The following PODNL1 variants were observed in gnomAD, a reference collection of about 807,000 sequenced individuals.
PODNL1 encodes podocan-like protein 1.
In PODNL1, 50 loss-of-function variants were observed where a neutral mutation model predicts 45.1. The observed-to-expected ratio is 1.11, with a 90% CI of 0.88 to 1.40. The LOEUF is 1.40. Ranked by LOEUF, PODNL1 falls within the 40% of genes most tolerant of loss-of-function variation. The probability of loss-of-function intolerance (pLI) is 0.00; values close to 1 mark genes in which losing one functional copy is unlikely to be tolerated. For synonymous variants in PODNL1, 406 were observed against 372.5 expected (o/e 1.09, Z -1.04); for missense variants, 788 against 793.3 (o/e 0.99, Z 0.08).
At position 13,931,572 on chromosome 19, in the gene PODNL1, A is replaced by T. The variant is rs1001866066; in HGVS notation, c.*165T>A. On this transcript the variant is annotated 3_prime_UTR_variant, in exon 10 of 10. Coordinates refer to ENST00000588872, the MANE Select transcript of PODNL1 (RefSeq NM_001370095.3). ...CCGGCGTGGTCTGTGAGCCTGGAGTATGCCAGCTGTGTGCCTCTGTGTCTC... is the reference window on the plus strand; with the variant it reads ...CCGGCGTGGTCTGTGAGCCTGGAGTTTGCCAGCTGTGTGCCTCTGTGTCTC... 18 of 719,536 alleles carry T rather than the reference A, an allele frequency of 2.5e-5. No individual in the cohort carries two copies. The East Asian group carries it at 6.1e-4, about 24-fold the overall frequency. The allele number at this position is 719,536 out of a possible 1,614,324, so 44.6% of individuals were successfully genotyped here.
upstream of PODNL1, among the ~76,000 whole-genome samples, chr19:13,942,702 T>G (rs538204750): frequency 7.2e-5 from 11 of 152,202 alleles, no homozygotes; most frequent in Middle Eastern, 6.8e-3. Context: ...TAGGATTGGC[T>G]GTGCGCCCCT....
chr19:13,938,729 C>T (rs1972543933), upstream of PODNL1, among the ~76,000 whole-genome samples: 1 of 152,082 alleles, frequency 6.6e-6, no homozygotes, highest in Non-Finnish European at 1.5e-5. Context: ...CCTCTGCTGG[C>T]TGGTCTTGCT....
At chr19:13,952,185 C>T (rs921239426) in intron 1 of PODNL1, among the ~76,000 whole-genome samples, 2 of 152,234 alleles carry the variant, frequency 1.3e-5, no homozygotes, top group African/African-American at 4.8e-5. Context: ...CTGTGGTCTC[C>T]ATGGAAACCC....
intron 5 of PODNL1, 150 bp from the exon 6 acceptor site, chr19:13,934,560 A>C (rs1972200731): frequency 2.6e-6 from 2 of 775,774 alleles, no homozygotes; most frequent in Non-Finnish European, 3.8e-6. Context: ...GTGGGAATGT[A>C]ATTGTGTATG....
chr19:13,937,735 A>T, intron 2 of PODNL1, 50 bp downstream of exon 2: 1 of 1,515,180 alleles, frequency 6.6e-7, no homozygotes, highest in Non-Finnish European at 8.9e-7. Flanking sequence ...AGCTCCCCTC[A>T]CCACTGGGTC....
chr19:13,933,788 G>C lies in PODNL1; in HGVS notation c.767+90C>G. ...GCAGGCACTCAGTAAATGAGGCCGT[G>C]GCTTAGGAGCCAGTCAGGGAAGGGG... On this transcript the variant is annotated intron_variant, in intron 7 of 9. Coordinates refer to ENST00000588872, the MANE Select transcript of PODNL1 (RefSeq NM_001370095.3). This position sits in a 1 kb window ranked among gnomAD's most constrained non-coding sequence, Gnocchi z 5.2. 1 of 1,160,328 alleles carries C rather than the reference G, an allele frequency of 8.6e-7. No individual in the cohort carries two copies. Among genetic ancestry groups the C allele is most frequent in the Non-Finnish European group, 1.2e-6 (1 of 800,428 alleles). 71.9% of individuals were successfully genotyped at this position (1,160,328 alleles called of 1,614,324 possible).
At chr19:13,935,412 C>T (rs939351617) in intron 5 of PODNL1, among the ~76,000 whole-genome samples, 23 of 152,148 alleles carry the variant, frequency 1.5e-4, no homozygotes, top group Admixed American at 6.5e-5. Flanking sequence ...CTGCAAACTC[C>T]ACCTCCTGGG....
chr19:13,950,049 T>C (rs1215915846), intron 1 of PODNL1, among the ~76,000 whole-genome samples: 1 of 151,356 alleles, frequency 6.6e-6, no homozygotes, highest in African/African-American at 2.4e-5. Context: ...TCTGTATTTT[T>C]AGTAGAGACG....
At chr19:13,948,671 C>T (rs956921191) in intron 1 of PODNL1, among the ~76,000 whole-genome samples, 1 of 149,526 alleles carries the variant, frequency 6.7e-6, no homozygotes, top group South Asian at 2.2e-4. Context: ...TGGCTCACGC[C>T]TGTAATCCCA....
chr19:13,937,671 C>T, intron 2 of PODNL1, 114 bp downstream of exon 2: 1 of 991,602 alleles, frequency 1.0e-6, no homozygotes, highest in South Asian at 1.6e-5. Context: ...CACCGCCCTC[C>T]TGCAAGTGTG....
Position 13,934,182 on chromosome 19 carries a change from A to AG in PODNL1, c.651+71dup, listed in dbSNP as rs1972159508. ...GGGCAATTGAGAAGAATGGAAAGCT[A>AG]GGAACTGGAGGGGTCCCCCTGGAAA... is the stretch of plus-strand genomic sequence containing the variant. On this transcript the variant is annotated intron_variant, in intron 6 of 9. Coordinates refer to ENST00000588872, the MANE Select transcript of PODNL1 (RefSeq NM_001370095.3). 13 of 1,444,828 alleles carry AG rather than the reference A, an allele frequency of 9.0e-6. No individual in the cohort carries two copies. The South Asian group carries it at 1.7e-4, about 19-fold the overall frequency. 89.5% of individuals were successfully genotyped at this position (1,444,828 alleles called of 1,614,324 possible). A position where few individuals can be genotyped will look rare whatever the true frequency, so the allele number is the denominator to read the frequency against.
Position 13,932,805 on chromosome 19 carries a change from G to T in PODNL1, c.1418C>A (p.Ala473Asp), listed in dbSNP as rs534074373. 1 of 1,612,912 alleles carries T rather than the reference G, an allele frequency of 6.2e-7. No individual in the cohort carries two copies. Among genetic ancestry groups the T allele is most frequent in the Non-Finnish European group, 8.5e-7 (1 of 1,180,022 alleles). ...IGPGTWHELQ[A>D]LQMLDLSHNE... ...AACCAGCCTGTGCCTGACCTGGAGG[G>T]CTTGGAGCTCATGCCAGGTGCCTGG... Residue 473 changes from alanine to aspartate, a missense_variant, in exon 8 of 10, where the codon GCC (alanine) becomes GAC (aspartate). Physicochemically the swap from Ala to Asp is moderately radical, Grantham distance 126. Coordinates refer to ENST00000588872, the MANE Select transcript of PODNL1 (RefSeq NM_001370095.3).
chr19:13,942,007 G>T (rs1235972340), upstream of PODNL1, among the ~76,000 whole-genome samples: 1 of 152,082 alleles, frequency 6.6e-6, no homozygotes, highest in Non-Finnish European at 1.5e-5. Context: ...TTGGACATTG[G>T]GTGGAAGTTC....
Position 13,936,470 on chromosome 19 carries a change from G to T in PODNL1, c.226-10C>A. The T allele has an allele frequency of 6.2e-7, 1 of 1,606,994 alleles. No individual in the cohort carries two copies. The highest frequency in any genetic ancestry group is 8.5e-7 in the Non-Finnish European group (1 of 1,173,992). ...CCTGGAGCTGGTTGTTCTGCAGGGTGAGAGTTGGGGTGTTCACACCCGTGA... is the reference window on the plus strand; with the variant it reads ...CCTGGAGCTGGTTGTTCTGCAGGGTTAGAGTTGGGGTGTTCACACCCGTGA... On this transcript the variant is annotated splice_polypyrimidine_tract_variant and intron_variant, in intron 2 of 9. Transcript: ENST00000588872.
chr19:13,938,357 C>T lies in PODNL1; in HGVS notation c.-176G>A. 7.1e-7 allele frequency: 1 copy of T among 1,410,130 alleles called. No homozygotes were observed. The highest frequency in any genetic ancestry group is 9.2e-7 in the Non-Finnish European group (1 of 1,081,088). The allele number at this position is 1,410,130 out of a possible 1,614,324, so 87.4% of individuals were successfully genotyped here. ...GGCTTTGGGGGAGCTGGCCCACCCC[C>T]TTCCCCGCCCTGGGGAGGACGGGCA... On this transcript the variant is annotated 5_prime_UTR_variant, in exon 1 of 10. Coordinates refer to ENST00000588872, the MANE Select transcript of PODNL1 (RefSeq NM_001370095.3).
chr19:13,935,172 A>G (rs541783766), intron 5 of PODNL1, among the ~76,000 whole-genome samples: 1 of 151,890 alleles, frequency 6.6e-6, no homozygotes, highest in Non-Finnish European at 1.5e-5. Flanking sequence ...CCCTGCACAT[A>G]CTGTCTCCAC....
At position 13,934,373 on chromosome 19, in the gene PODNL1, C is replaced by T. The variant is rs983495413; in HGVS notation, c.532G>A (p.Gly178Ser). ...YLHNNQLSNA[G>S]LPPDAFRGSE... ...CCGCGGAAGGCGTCGGGGGGCAGGC[C>T]AGCGTTGCTCAGCTGGTTGTTGTGG... is the stretch of plus-strand genomic sequence containing the variant. Residue 178 changes from glycine to serine, a missense_variant, in exon 6 of 10, where the codon GGC becomes AGC. By Grantham distance (56) the Gly-to-Ser change is moderately conservative. Transcript: ENST00000588872. 1.3e-6 allele frequency: 2 copies of T among 1,550,630 alleles called. No homozygotes were observed. The highest frequency in any genetic ancestry group is 2.1e-4 in the Middle Eastern group (1 of 4,820).
chr19:13,935,615 C>T, intron 5 of PODNL1, 106 bp downstream of exon 5: 3 of 854,868 alleles, frequency 3.5e-6, no homozygotes, highest in Non-Finnish European at 5.2e-6. Flanking sequence ...GAGTGAGCCA[C>T]TGCACCCGGC....
chr19:13,938,065 T>G, intron 1 of PODNL1, 59 bp from the exon 2 acceptor site: 1 of 1,451,942 alleles, frequency 6.9e-7, no homozygotes, highest in Non-Finnish European at 9.3e-7. Flanking sequence ...CCATGGTGAC[T>G]GGAGCATCCC....
Sources: gnomAD v4.1 joint callset for allele counts (sites outside exome capture counted in the v4.1 genomes callset) on GRCh38, gnomAD v4.1.1 for gene constraint, Gnocchi (gnomAD v3.1) non-coding constraint, MANE v1.5 for transcripts, NCBI Gene and HGNC (gene_info 2026-07-23, HGNC 2026-07-21) for gene names.